The following ERICH3 variants were observed in gnomAD, a reference collection of about 807,000 sequenced individuals.
ERICH3 encodes glutamate rich 3.
ERICH3 carries 126 observed loss-of-function variants against 131.1 expected under a neutral mutation model. The observed-to-expected ratio is 0.96, with a 90% CI of 0.83 to 1.11. The LOEUF is 1.11. ERICH3 is among the 50% of genes most tolerant of loss of function. The pLI, the probability that ERICH3 is intolerant of heterozygous loss-of-function variation, is 0.00. For missense variants in ERICH3, 2,050 were observed against 1,810.7 expected (o/e 1.13, Z -2.40); for synonymous variants, 695 against 644.6 (o/e 1.08, Z -1.18).
intron 13 of ERICH3, 130 bp from the exon 14 acceptor site, chr1:74,573,621 A>G: frequency 9.0e-7 from 1 of 1,114,878 alleles, no homozygotes; most frequent in South Asian, 3.6e-5. Context: ...CCATTGTATT[A>G]TATATAAAAC....
chr1:74,651,166 T>G (rs1646530601), intron 1 of ERICH3, among the ~76,000 whole-genome samples: 1 of 152,112 alleles, frequency 6.6e-6, no homozygotes, highest in Non-Finnish European at 1.5e-5. Flanking sequence ...ATTTAACAGT[T>G]TGTACTCCTT....
intron 11 of ERICH3, among the ~76,000 whole-genome samples, chr1:74,593,060 A>C (rs1647681921): frequency 6.6e-6 from 1 of 152,124 alleles, no homozygotes; most frequent in African/African-American, 2.4e-5. Flanking sequence ...CCATTTGTTC[A>C]TGTATTCCCT....
At chr1:74,672,942 A>T (rs1006773358) in intron 1 of ERICH3, among the ~76,000 whole-genome samples, 1 of 152,118 alleles carries the variant, frequency 6.6e-6, no homozygotes. Context: ...TGTGCCATAT[A>T]ACCTTCCTTT....
chr1:74,572,076 C>T lies in ERICH3; in HGVS notation c.3634G>A (p.Gly1212Arg). The change falls in exon 14 of 15, where the codon GGA (glycine) becomes AGA (arginine). Residue 1212 changes from glycine (G) to arginine (R), a missense_variant. Transcript: ENST00000326665. Reference protein sequence around the residue: ...RALKEGHRQDGEGALAAPEAE... With the variant: ...RALKEGHRQDREGALAAPEAE... ...TCAGGAGCTGCTAAGGCCCCCTCTC[C>T]ATCTTGGCGGTGCCCTTCCTTCAGG... 6.2e-7 allele frequency: 1 copy of T among 1,614,224 alleles called. No individual in the cohort carries two copies. The highest frequency in any genetic ancestry group is 2.2e-5 in the East Asian group (1 of 44,868).
chr1:74,628,385 T>C (rs950384840), intron 7 of ERICH3, among the ~76,000 whole-genome samples: 2 of 152,128 alleles, frequency 1.3e-5, no homozygotes, highest in African/African-American at 4.8e-5. Flanking sequence ...ATTCATTTCG[T>C]AAAGAGAAGA....
intron 13 of ERICH3, 54 bp downstream of exon 13, chr1:74,576,841 A>G: frequency 6.8e-7 from 1 of 1,472,516 alleles, no homozygotes; most frequent in East Asian, 2.3e-5. Context: ...CAGATTTATG[A>G]GTCATGGTCT....
chr1:74,631,757 G>T lies in ERICH3; in HGVS notation c.775C>A (p.Arg259Ser). The change falls in exon 7 of 15, where the codon CGT becomes AGT. Residue 259 changes from arginine (R) to serine (S), a missense_variant. Transcript: ENST00000326665. ...RSETWRRRRF[R>S]PTTAPNGLEP... The stretch of plus-strand genomic sequence containing the variant: ...AAGCCATTTGGAGCAGTGGTTGGAC[G>T]AAATCTTCTCCTTCTCCATGTTTCA... 6.2e-7 allele frequency: 1 copy of T among 1,613,500 alleles called. No individual in the cohort carries two copies. The highest frequency in any genetic ancestry group is 8.5e-7 in the Non-Finnish European group (1 of 1,179,588).
At chr1:74,645,299 A>G (rs1399264174) in intron 3 of ERICH3, among the ~76,000 whole-genome samples, 1 of 152,110 alleles carries the variant, frequency 6.6e-6, no homozygotes, top group Non-Finnish European at 1.5e-5. Context: ...GAGTGAATGC[A>G]TGAATGTGAA....
At position 74,650,344 on chromosome 1, in the gene ERICH3, A is replaced by G. The variant is rs567520221; in HGVS notation, c.24-1029T>C. On this transcript the variant is annotated intron_variant, in intron 1 of 14. Transcript: ENST00000326665. Reference sequence around the variant, plus strand: ...AATCTAAGTCTGTATGTCAAAGTTGAGCACTATTTTCTGTTTCAATCTATC... The same window carrying G: ...AATCTAAGTCTGTATGTCAAAGTTGGGCACTATTTTCTGTTTCAATCTATC... Among the ~76,000 whole-genome samples the G allele has an allele frequency of 7.2e-5, 11 of 152,268 alleles. No individual in the cohort carries two copies. In the South Asian group the frequency reaches 2.1e-3, roughly 29 times the overall value.
intron 9 of ERICH3, among the ~76,000 whole-genome samples, chr1:74,608,844 C>A (rs1648523060): frequency 6.6e-6 from 1 of 152,078 alleles, no homozygotes; most frequent in African/African-American, 2.4e-5. Context: ...TCTGTTCAAG[C>A]TGTTCTTCCC....
chr1:74,664,475 G>A (rs770497701), intron 1 of ERICH3, among the ~76,000 whole-genome samples: 1 of 152,106 alleles, frequency 6.6e-6, no homozygotes, highest in Non-Finnish European at 1.5e-5. Flanking sequence ...TTCTTTGTAT[G>A]AGAGCCAAAT....
intron 11 of ERICH3, among the ~76,000 whole-genome samples, chr1:74,594,530 T>C (rs1326338146): frequency 1.3e-5 from 2 of 152,110 alleles, no homozygotes; most frequent in Admixed American, 6.6e-5. Context: ...GAGAACTTCC[T>C]ATGTGCCAGG....
intron 12 of ERICH3, among the ~76,000 whole-genome samples, chr1:74,578,809 T>A (rs1647123673): frequency 1.3e-5 from 2 of 152,070 alleles, no homozygotes; most frequent in African/African-American, 4.8e-5. Context: ...TAGTTTAAAG[T>A]GAACTGCTAA....
intron 1 of ERICH3, among the ~76,000 whole-genome samples, chr1:74,656,060 T>G (rs528957518): frequency 6.6e-6 from 1 of 152,134 alleles, no homozygotes; most frequent in African/African-American, 2.4e-5. Flanking sequence ...CAGCTGTGGG[T>G]TTTGCCCAGC....
At chr1:74,594,273 C>CGTGTGTGTGT (rs10655150) in intron 11 of ERICH3, among the ~76,000 whole-genome samples, 1,843 of 144,868 alleles carry the variant, frequency 0.013, 39 homozygotes, top group African/African-American at 0.044. Flanking sequence ...AAAAATGGGG[C>CGTGTGTGTGT]GTGTGTGTGT....
Position 74,599,800 on chromosome 1 carries a change from C to G in ERICH3, c.1621G>C (p.Glu541Gln). Reference sequence around the variant, plus strand: ...TGTGATGAGGTTTCACTCTCTTTTTCAGGGTCTAAATTATCTTTTTTATCA... The same window carrying G: ...TGTGATGAGGTTTCACTCTCTTTTTGAGGGTCTAAATTATCTTTTTTATCA... ...LDDKKDNLDP[E>Q]KESETSSQKA... Residue 541 changes from glutamate to glutamine, a missense_variant, in exon 11 of 15, where the codon GAA becomes CAA. Transcript: ENST00000326665. 1.2e-6 allele frequency: 2 copies of G among 1,612,336 alleles called. No homozygotes were observed. Among genetic ancestry groups the G allele is most frequent in the Non-Finnish European group, 1.7e-6 (2 of 1,178,912 alleles).
At chr1:74,608,637 A>C (rs1426117221) in intron 9 of ERICH3, among the ~76,000 whole-genome samples, 1 of 152,100 alleles carries the variant, frequency 6.6e-6, no homozygotes, top group Admixed American at 6.6e-5. Flanking sequence ...ATATCTCCCC[A>C]CAAAATAAAG....
At chr1:74,612,849 C>T in intron 8 of ERICH3, 40 bp from the exon 9 acceptor site, 1 of 1,483,924 alleles carries the variant, frequency 6.7e-7, no homozygotes, top group South Asian at 1.2e-5. Context: ...AAGCAACTGA[C>T]TTCGGACTAA....
chr1:74,590,790 C>T (rs1047891992), intron 11 of ERICH3, among the ~76,000 whole-genome samples: 4 of 152,102 alleles, frequency 2.6e-5, no homozygotes, highest in African/African-American at 4.8e-5. Context: ...ATAAGGAAAA[C>T]CTATCAAATC....
Sources: allele counts gnomAD v4.1 joint callset (sites outside exome capture counted in the v4.1 genomes callset), GRCh38; gene constraint gnomAD v4.1.1; transcripts MANE v1.5; gene names NCBI Gene and HGNC (gene_info 2026-07-23, HGNC 2026-07-21).